The following DLGAP1 variants were observed in gnomAD, a reference collection of about 807,000 sequenced individuals.
DLGAP1 encodes DLG associated protein 1, also known as disks large-associated protein 1.
In DLGAP1, 11 loss-of-function variants were observed where a neutral mutation model predicts 90.8. The ratio of observed to expected loss-of-function variants is 0.12; its 90% CI spans 0.08 to 0.20. The LOEUF (loss-of-function observed/expected upper bound fraction) is 0.20, where lower values mean the gene tolerates loss of function less well. Among genes scored for constraint, DLGAP1 ranks in the 10% least tolerant of loss-of-function variants. The pLI, the probability that DLGAP1 is intolerant of heterozygous loss-of-function variation, is 1.00. For synonymous variants in DLGAP1, 558 were observed against 540.7 expected (o/e 1.03, Z -0.44); for missense variants, 1,050 against 1,333.8 (o/e 0.79, Z 3.31).
chr18:3,641,582 T>C (rs1483348833), intron 7 of DLGAP1, among the ~76,000 whole-genome samples: 8 of 125,664 alleles, frequency 6.4e-5, no homozygotes, highest in African/African-American at 2.6e-4. Context: ...TACACATATA[T>C]ATATACACAC....
chr18:4,233,481 T>G (rs1365888251), intron 1 of DLGAP1, among the ~76,000 whole-genome samples: 1 of 152,196 alleles, frequency 6.6e-6, no homozygotes, highest in Admixed American at 6.5e-5. Flanking sequence ...AGGTGCCTTC[T>G]CATCACATAA....
intron 6 of DLGAP1, among the ~76,000 whole-genome samples, chr18:3,732,645 T>A (rs907133014): frequency 1.3e-5 from 2 of 152,202 alleles, no homozygotes; most frequent in African/African-American, 4.8e-5. Flanking sequence ...GAACTTAAAT[T>A]TGTCCCATCT....
At chr18:3,586,792 C>A (rs751650509) in intron 7 of DLGAP1, among the ~76,000 whole-genome samples, 1 of 152,210 alleles carries the variant, frequency 6.6e-6, no homozygotes. Flanking sequence ...CCTAAACCCA[C>A]ACTTCTCTCC....
intron 1 of DLGAP1, among the ~76,000 whole-genome samples, chr18:4,236,704 G>A (rs756834182): frequency 2.0e-5 from 3 of 151,088 alleles, no homozygotes; most frequent in Non-Finnish European, 4.4e-5. Context: ...TTTATCTTAA[G>A]CGAGGTGGCT....
chr18:4,148,595 C>T (rs753258369), intron 2 of DLGAP1, among the ~76,000 whole-genome samples: 7 of 152,104 alleles, frequency 4.6e-5, no homozygotes, highest in Non-Finnish European at 1.0e-4. Context: ...GTTTGCATGT[C>T]GTGGATCCTC....
At chr18:4,180,003 T>A (rs1200367484) in intron 1 of DLGAP1, among the ~76,000 whole-genome samples, 1 of 152,182 alleles carries the variant, frequency 6.6e-6, no homozygotes, top group African/African-American at 2.4e-5. Flanking sequence ...TCTTCTATTC[T>A]GAGCTAAGGA....
At chr18:3,639,236 G>A (rs528865212) in intron 7 of DLGAP1, among the ~76,000 whole-genome samples, 4 of 151,996 alleles carry the variant, frequency 2.6e-5, no homozygotes, top group African/African-American at 9.7e-5. Flanking sequence ...GGTGCCTGTA[G>A]TCCCAGCTAC....
At chr18:3,787,347 G>C (rs942004553) in intron 5 of DLGAP1, among the ~76,000 whole-genome samples, 2 of 151,908 alleles carry the variant, frequency 1.3e-5, no homozygotes, top group Non-Finnish European at 2.9e-5. Flanking sequence ...TAGGCGTGGT[G>C]GTGGGCACCT....
At chr18:4,180,117 A>G (rs2077181413) in intron 1 of DLGAP1, among the ~76,000 whole-genome samples, 1 of 152,176 alleles carries the variant, frequency 6.6e-6, no homozygotes, top group African/African-American at 2.4e-5. Flanking sequence ...ATCAAAGATG[A>G]ATTTTCTTTG....
At chr18:3,931,229 G>T (rs924396999) in intron 3 of DLGAP1, among the ~76,000 whole-genome samples, 7 of 152,196 alleles carry the variant, frequency 4.6e-5, no homozygotes, top group African/African-American at 7.2e-5. Flanking sequence ...GGAGAGGTAA[G>T]ACTTGAGCTT....
intron 7 of DLGAP1, among the ~76,000 whole-genome samples, chr18:3,668,746 C>T (rs369964765): frequency 6.6e-5 from 10 of 152,208 alleles, no homozygotes; most frequent in Admixed American, 2.0e-4. Context: ...GCATGGAATC[C>T]CAGCACTTTG....
In DLGAP1 at chr18:3,814,137, G is replaced by A. The variant is rs199513653; in HGVS notation, c.1094C>T (p.Pro365Leu). 12 of 1,613,948 alleles carry A rather than the reference G, an allele frequency of 7.4e-6. No individual in the cohort carries two copies. Among genetic ancestry groups the A allele is most frequent in the Non-Finnish European group, 9.3e-6 (11 of 1,180,030 alleles). The change falls in exon 5 of 13, where the codon CCT becomes CTT. Residue 365 changes from proline to leucine, a missense_variant. Physicochemically the swap from Pro to Leu is moderately conservative, Grantham distance 98. Coordinates refer to ENST00000315677, the MANE Select transcript of DLGAP1 (RefSeq NM_004746.4). ...TCTCCGCGCAGCAACTTTTGGAGAAGGCTTAGGACTCGTGTCTGAGTCTCC... is the reference window on the plus strand; with the variant it reads ...TCTCCGCGCAGCAACTTTTGGAGAAAGCTTAGGACTCGTGTCTGAGTCTCC... ...DSGDSDTSPK[P>L]SPKVAARRES...
At chr18:3,769,962 T>G (rs1368891201) in intron 5 of DLGAP1, 2 of 152,054 alleles carry the variant, frequency 1.3e-5, no homozygotes, top group South Asian at 4.1e-4. Flanking sequence ...AAATTTTAAT[T>G]AAAAAAATCC....
chr18:3,731,535 A>T (rs1417807067), intron 6 of DLGAP1, among the ~76,000 whole-genome samples: 1 of 148,888 alleles, frequency 6.7e-6, no homozygotes, highest in Non-Finnish European at 1.5e-5. Flanking sequence ...ATTTTCCTGG[A>T]TAGCTGGGAC....
chr18:3,861,747 C>T (rs2070075708), intron 4 of DLGAP1, among the ~76,000 whole-genome samples: 1 of 152,262 alleles, frequency 6.6e-6, no homozygotes, highest in Non-Finnish European at 1.5e-5. Flanking sequence ...GCTGCCCCAG[C>T]CTGACTAGTG....
intron 3 of DLGAP1, among the ~76,000 whole-genome samples, chr18:3,944,363 G>A (rs2072833910): frequency 6.6e-6 from 1 of 152,194 alleles, no homozygotes; most frequent in Non-Finnish European, 1.5e-5. Flanking sequence ...GGGCATGGTG[G>A]TGCGTGCCTG....
chr18:3,762,631 C>T (rs1352232079), intron 5 of DLGAP1, among the ~76,000 whole-genome samples: 1 of 152,096 alleles, frequency 6.6e-6, no homozygotes, highest in Non-Finnish European at 1.5e-5. Context: ...TTCTTCTAAT[C>T]CCTATTGTCA....
chr18:4,311,779 A>G (rs763961470), intron 1 of DLGAP1, among the ~76,000 whole-genome samples: 56 of 152,168 alleles, frequency 3.7e-4, no homozygotes, highest in Non-Finnish European at 7.5e-4. Context: ...GCAGTGGCGC[A>G]ATCTCGGCTC....
intron 2 of DLGAP1, among the ~76,000 whole-genome samples, chr18:4,040,979 C>T (rs558525133): frequency 2.6e-4 from 40 of 152,274 alleles, no homozygotes; most frequent in African/African-American, 8.4e-4. Flanking sequence ...GGGAGGAAAT[C>T]TAGCAATGCC....
Sources: allele counts gnomAD v4.1 joint callset (sites outside exome capture counted in the v4.1 genomes callset), GRCh38; gene constraint gnomAD v4.1.1; transcripts MANE v1.5; gene names NCBI Gene and HGNC (gene_info 2026-07-23, HGNC 2026-07-21).